The following G3BP2 variants were observed in gnomAD, a reference collection of about 807,000 sequenced individuals.
The protein encoded by G3BP2 is ras GTPase-activating protein-binding protein 2.
A neutral mutation model predicts 56.7 loss-of-function variants in G3BP2; 11 were observed. The ratio of observed to expected loss-of-function variants is 0.19; its 90% confidence interval spans 0.12 to 0.32. The LOEUF is 0.32. Ranked by LOEUF, G3BP2 falls within the 10% of genes least tolerant of loss-of-function variation. The pLI, the probability that G3BP2 is intolerant of heterozygous loss-of-function variation, is 1.00. For missense variants in G3BP2, 340 were observed against 610.9 expected (o/e 0.56, Z 4.67); for synonymous variants, 165 against 191.6 (o/e 0.86, Z 1.15).
At chr4:75,707,188 A>C (rs1719581164) in intron 3 of G3BP2, among the ~76,000 whole-genome samples, 1 of 151,818 alleles carries the variant, frequency 6.6e-6, no homozygotes, top group Non-Finnish European at 1.5e-5. Flanking sequence ...AAAAAAAAAA[A>C]AAAAACAGAA....
upstream of G3BP2, among the ~76,000 whole-genome samples, chr4:75,674,255 A>G (rs41398350): frequency 0.14 from 21,491 of 152,152 alleles, 1,965 homozygotes; most frequent in African/African-American, 0.26. Flanking sequence ...GAATTTTGGA[A>G]TGAAGGACTG....
intron 3 of G3BP2, among the ~76,000 whole-genome samples, chr4:75,692,300 C>A (rs1241376929): frequency 6.6e-6 from 1 of 151,974 alleles, no homozygotes; most frequent in African/African-American, 2.4e-5. Flanking sequence ...GATTTGGTAA[C>A]CAGACCACCT....
chr4:75,683,582 T>G (rs1718439703), intron 3 of G3BP2, among the ~76,000 whole-genome samples: 1 of 151,756 alleles, frequency 6.6e-6, no homozygotes, highest in Admixed American at 6.6e-5. Flanking sequence ...AAAAAAAGAA[T>G]AAAGATGTAA....
At chr4:75,668,585 G>A (rs1191513375) in intron 1 of G3BP2, among the ~76,000 whole-genome samples, 1 of 152,202 alleles carries the variant, frequency 6.6e-6, no homozygotes, top group Non-Finnish European at 1.5e-5. Flanking sequence ...AGGTATTCCA[G>A]AGACTAACTG....
chr4:75,683,832 T>C (rs1455493544), intron 3 of G3BP2, among the ~76,000 whole-genome samples: 1 of 152,080 alleles, frequency 6.6e-6, no homozygotes, highest in Non-Finnish European at 1.5e-5. Context: ...TCCATAGCCA[T>C]GCCGTAAAAT....
intron 3 of G3BP2, among the ~76,000 whole-genome samples, chr4:75,694,096 C>T (rs1164777439): frequency 6.6e-6 from 1 of 152,102 alleles, no homozygotes; most frequent in East Asian, 1.9e-4. Flanking sequence ...ACTAGATGTT[C>T]AGTAACTATT....
chr4:75,717,753 G>A (rs528730992), intron 3 of G3BP2, among the ~76,000 whole-genome samples: 1 of 152,276 alleles, frequency 6.6e-6, no homozygotes, highest in South Asian at 2.1e-4. Flanking sequence ...TTGGGGGAGA[G>A]ACAATGGTGT....
At chr4:75,695,109 G>A (rs1386759718) in intron 3 of G3BP2, among the ~76,000 whole-genome samples, 1 of 152,184 alleles carries the variant, frequency 6.6e-6, no homozygotes, top group Non-Finnish European at 1.5e-5. Context: ...GGTTGTCAGG[G>A]AAGAGACATG....
chr4:75,664,346 G>A (rs1732820190), intron 1 of G3BP2, among the ~76,000 whole-genome samples: 1 of 152,018 alleles, frequency 6.6e-6, no homozygotes, highest in South Asian at 2.1e-4. Context: ...GGAGGCCAAG[G>A]TGGGCAGATC....
intron 9 of G3BP2, among the ~76,000 whole-genome samples, chr4:75,648,097 C>A (rs527950855): frequency 1.3e-5 from 2 of 152,254 alleles, no homozygotes; most frequent in Admixed American, 6.5e-5. Context: ...TGCCTGTAAT[C>A]CCAGCACTTT....
intron 2 of G3BP2, among the ~76,000 whole-genome samples, chr4:75,659,817 G>T (rs1732410594): frequency 6.6e-6 from 1 of 152,172 alleles, no homozygotes; most frequent in African/African-American, 2.4e-5. Context: ...AGTCTAACTT[G>T]AGAGTCCATG....
chr4:75,673,694 C>T (rs556224094), upstream of G3BP2: 36 of 1,115,652 alleles, frequency 3.2e-5, no homozygotes, highest in Middle Eastern at 3.3e-4. Context: ...GCCTTGCCGC[C>T]CTTCTTCCTG....
At chr4:75,709,942 C>T (rs1719695622) in intron 3 of G3BP2, among the ~76,000 whole-genome samples, 1 of 152,170 alleles carries the variant, frequency 6.6e-6, no homozygotes, top group African/African-American at 2.4e-5. Context: ...AATAGACCAG[C>T]TCTGATGGCC....
chr4:75,655,049 G>A lies in G3BP2; in HGVS notation c.726+17C>T, dbSNP rs762511582. Reference sequence around the variant, plus strand: ...GAACATGTGATGTTGTAAGTCTAAAGAGTTCTTTGATCTAACCTTTGGTGG... The same window carrying A: ...GAACATGTGATGTTGTAAGTCTAAAAAGTTCTTTGATCTAACCTTTGGTGG... On this transcript the variant is annotated intron_variant, in intron 7 of 11. Transcript: ENST00000359707. 5.1e-6 allele frequency: 8 copies of A among 1,575,366 alleles called. No homozygotes were observed. The Admixed American group carries it at 1.3e-4, about 25-fold the overall frequency.
At chr4:75,719,270 C>T (rs190205443) in intron 3 of G3BP2, among the ~76,000 whole-genome samples, 170 of 146,452 alleles carry the variant, frequency 1.2e-3, no homozygotes, top group African/African-American at 4.2e-3. Context: ...ATGGTGTGAA[C>T]CCGGGAGGCG....
At chr4:75,689,121 T>G (rs1718744585) in intron 3 of G3BP2, among the ~76,000 whole-genome samples, 2 of 152,074 alleles carry the variant, frequency 1.3e-5, no homozygotes, top group Non-Finnish European at 2.9e-5. Context: ...GGAGGCTCAC[T>G]CCTGTAATCC....
chr4:75,703,166 C>T (rs1719411669), intron 3 of G3BP2, among the ~76,000 whole-genome samples: 1 of 152,148 alleles, frequency 6.6e-6, no homozygotes, highest in African/African-American at 2.4e-5. Flanking sequence ...GGAGAATGTG[C>T]AGACAGGAGG....
intron 5 of G3BP2, among the ~76,000 whole-genome samples, chr4:75,656,295 AT>A (rs11304157): frequency 0.39 from 57,850 of 148,410 alleles, 11,737 homozygotes; most frequent in African/African-American, 0.51. Flanking sequence ...CTCGGCTCCA[AT>A]TTTTTTTTTT....
chr4:75,724,366 G>A (rs560968522), exon 1 of G3BP2: 4 of 161,228 alleles, frequency 2.5e-5, no homozygotes, highest in South Asian at 1.4e-4. Flanking sequence ...GCTTGGCGAC[G>A]ATTAAACACC....
Sources: allele counts gnomAD v4.1 joint callset (sites outside exome capture counted in the v4.1 genomes callset), GRCh38; gene constraint gnomAD v4.1.1; transcripts MANE v1.5; gene names NCBI Gene and HGNC (gene_info 2026-07-23, HGNC 2026-07-21).